SHC3: variants seen among roughly 807,000 people sequenced by gnomAD.
SHC3 encodes SHC adaptor protein 3.
Under a neutral mutation model 60.4 loss-of-function variants are expected in SHC3, and 15 were observed. The observed-to-expected ratio is 0.25, with a 90% confidence interval of 0.17 to 0.38. The LOEUF (loss-of-function observed/expected upper bound fraction) is 0.38. SHC3 is among the 10% of genes least tolerant of loss of function. The pLI, the probability that SHC3 is intolerant of heterozygous loss-of-function variation, is 1.00. For missense variants in SHC3, 677 were observed against 786.1 expected, an observed-to-expected ratio of 0.86 and a Z score of 1.66; for synonymous variants, 294 against 325.9, an observed-to-expected ratio of 0.90 and a Z score of 1.05.
chr9:89,038,051 A>G lies in SHC3; in HGVS notation c.1598T>C (p.Leu533Pro). 3 of 1,613,826 alleles carry G rather than the reference A, an allele frequency of 1.9e-6. No individual in the cohort carries two copies. Among genetic ancestry groups the G allele is most frequent in the Non-Finnish European group, 2.5e-6 (3 of 1,180,024 alleles). Residue 533 changes from leucine (L) to proline (P), a missense_variant, in exon 11 of 12, where the codon CTC (leucine) becomes CCC (proline). By Grantham distance (98) the Leu-to-Pro change is moderately conservative. Coordinates refer to ENST00000375835, the MANE Select transcript of SHC3 (RefSeq NM_016848.6). ...GGCCTGGCCATTGTGCATGCCCGTG[A>G]GGACAAAGGAGCCCGGGTTGGTGGT... ...KSTTNPGSFV[L>P]TGMHNGQAKH...
chr9:89,027,793 A>T (rs935341836), intron 11 of SHC3, among the ~76,000 whole-genome samples: 1 of 152,230 alleles, frequency 6.6e-6, no homozygotes. Context: ...AAGTATATTG[A>T]AGGATAAAAG....
intron 2 of SHC3, chr9:89,109,940 C>T (rs1825921746): frequency 1.0e-6 from 1 of 985,318 alleles, no homozygotes; most frequent in South Asian, 4.7e-5. Flanking sequence ...AGCTGACCTG[C>T]ATGTTCCTTC....
At chr9:89,132,429 C>G (rs192449564) in intron 1 of SHC3, among the ~76,000 whole-genome samples, 1 of 152,006 alleles carries the variant, frequency 6.6e-6, no homozygotes, top group African/African-American at 2.4e-5. Flanking sequence ...CATATGGAAC[C>G]AAAAAAGAGC....
In SHC3 at chr9:89,084,588, T is replaced by G. The variant is rs140487034; in HGVS notation, c.546-6685A>C. On this transcript the variant is annotated intron_variant, in intron 2 of 11. Coordinates refer to ENST00000375835, the MANE Select transcript of SHC3 (RefSeq NM_016848.6). ...CAGGTCATGTCACAGGCATCTTCACTGGACAGATCAGAGACTTGCTTTATT... is the reference window on the plus strand; with the variant it reads ...CAGGTCATGTCACAGGCATCTTCACGGGACAGATCAGAGACTTGCTTTATT... Among the ~76,000 whole-genome samples the G allele has an allele frequency of 5.0e-3, 769 of 152,356 alleles. 10 individuals are homozygous for G. The highest frequency in any genetic ancestry group is 0.018 in the African/African-American group (746 of 41,584).
intron 8 of SHC3, among the ~76,000 whole-genome samples, chr9:89,046,052 GCCCCCCCGCTTGTTTTCATTAC>G (rs1824769326): frequency 7.2e-6 from 1 of 139,082 alleles, no homozygotes; most frequent in Non-Finnish European, 1.5e-5. Flanking sequence ...AACTACACAT[GCCCCCCCGCTTGTTTTCATTAC>G]CCCCCCCACC....
At chr9:89,065,810 T>C (rs1378190605) in intron 5 of SHC3, among the ~76,000 whole-genome samples, 1 of 151,800 alleles carries the variant, frequency 6.6e-6, no homozygotes, top group African/African-American at 2.4e-5. Flanking sequence ...AGGGGTAGGG[T>C]CTGAGGTCCT....
At chr9:89,166,842 T>G (rs1034684254) in intron 1 of SHC3, among the ~76,000 whole-genome samples, 1 of 152,108 alleles carries the variant, frequency 6.6e-6, no homozygotes, top group South Asian at 2.1e-4. Flanking sequence ...TATGTAATTA[T>G]AAGACAGGCG....
Position 89,045,844 on chromosome 9 carries a change from A to G in SHC3, c.1114-11T>C, listed in dbSNP as rs759821740. 21 of 1,611,392 alleles carry G rather than the reference A, an allele frequency of 1.3e-5. No homozygotes were observed. The Admixed American group carries it at 3.2e-4, about 24-fold the overall frequency. On this transcript the variant is annotated splice_polypyrimidine_tract_variant and intron_variant, in intron 8 of 11. Coordinates refer to ENST00000375835, the MANE Select transcript of SHC3 (RefSeq NM_016848.6). ...CTCTTTTCCTGCAAACTATAGACAC[A>G]TGTAAATACACAGAATGAAAAAATT... is the stretch of plus-strand genomic sequence containing the variant.
intron 9 of SHC3, among the ~76,000 whole-genome samples, chr9:89,044,972 C>T (rs182062299): frequency 1.3e-5 from 2 of 152,168 alleles, no homozygotes; most frequent in East Asian, 1.9e-4. Flanking sequence ...CTTCACATCC[C>T]CCCTGAAGCT....
chr9:89,037,975 C>A lies in SHC3; in HGVS notation c.1656+18G>T. The A allele has an allele frequency of 1.2e-6, 2 of 1,602,286 alleles. No individual in the cohort carries two copies. Among genetic ancestry groups the A allele is most frequent in the Non-Finnish European group, 8.5e-7 (1 of 1,178,634 alleles). ...GCACCCACTGGCAGGTCCGGCCCCACCCCCACTGGGTGCTCACCGTGCCTT... is the reference window on the plus strand; with the variant it reads ...GCACCCACTGGCAGGTCCGGCCCCAACCCCACTGGGTGCTCACCGTGCCTT... On this transcript the variant is annotated intron_variant, in intron 11 of 11. Coordinates refer to ENST00000375835, the MANE Select transcript of SHC3 (RefSeq NM_016848.6).
intron 6 of SHC3, among the ~76,000 whole-genome samples, chr9:89,062,522 T>C (rs746279888): frequency 6.6e-6 from 1 of 152,196 alleles, no homozygotes; most frequent in African/African-American, 2.4e-5. Context: ...TTATTCTAGA[T>C]TAACCACAAA....
At chr9:89,133,943 A>G (rs191671901) in intron 1 of SHC3, among the ~76,000 whole-genome samples, 8 of 152,224 alleles carry the variant, frequency 5.3e-5, no homozygotes, top group Admixed American at 2.6e-4. Flanking sequence ...ACTTTGAAGC[A>G]TTAGATTCTA....
intron 1 of SHC3, among the ~76,000 whole-genome samples, chr9:89,163,129 C>G (rs1265154942): frequency 1.3e-5 from 2 of 148,684 alleles, no homozygotes; most frequent in Non-Finnish European, 3.0e-5. Flanking sequence ...AATAGGAACA[C>G]TTTTACACTG....
intron 11 of SHC3, among the ~76,000 whole-genome samples, chr9:89,025,268 A>G (rs1436725159): frequency 6.6e-6 from 1 of 151,880 alleles, no homozygotes; most frequent in African/African-American, 2.4e-5. Flanking sequence ...CCACTTTCTC[A>G]CTTCTGCTGG....
At chr9:89,055,844 C>T (rs1164234307) in intron 6 of SHC3, among the ~76,000 whole-genome samples, 1 of 152,226 alleles carries the variant, frequency 6.6e-6, no homozygotes, top group Non-Finnish European at 1.5e-5. Context: ...AAGAACTTTC[C>T]AACCATGCAT....
rs751371843 is a variant in SHC3, at chr9:89,047,004, GA to G, written c.963-11del. The G allele has an allele frequency of 2.6e-6, 4 of 1,549,678 alleles. No individual in the cohort carries two copies. The highest frequency in any genetic ancestry group is 3.5e-6 in the Non-Finnish European group (4 of 1,149,220). ...ATCCAGACTCTGCATTCTGTTAAAG[GA>G]AGATTTCCAAGGGCTTTAGCCAAAA... On this transcript the variant is annotated splice_polypyrimidine_tract_variant and intron_variant, in intron 7 of 11. Transcript: ENST00000375835.
At chr9:89,149,898 G>A (rs1826521528) in intron 1 of SHC3, among the ~76,000 whole-genome samples, 1 of 152,168 alleles carries the variant, frequency 6.6e-6, no homozygotes, top group African/African-American at 2.4e-5. Context: ...TCCACCCGCA[G>A]TGTGAATCAT....
At chr9:89,100,583 T>C (rs556358861) in intron 2 of SHC3, among the ~76,000 whole-genome samples, 259 of 152,312 alleles carry the variant, frequency 1.7e-3, no homozygotes, top group Non-Finnish European at 2.9e-3. Flanking sequence ...AATCAAGAGA[T>C]AGAATAGTTC....
intron 2 of SHC3, among the ~76,000 whole-genome samples, chr9:89,090,100 T>C (rs564540371): frequency 3.3e-5 from 5 of 152,214 alleles, no homozygotes; most frequent in South Asian, 2.1e-4. Flanking sequence ...TTGATTTCTA[T>C]GACAGTAGGA....
Sources: allele counts gnomAD v4.1 joint callset (sites outside exome capture counted in the v4.1 genomes callset), GRCh38; gene constraint gnomAD v4.1.1; transcripts MANE v1.5; gene names NCBI Gene and HGNC (gene_info 2026-07-23, HGNC 2026-07-21).